Variants in SDK1 observed in about 807,000 individuals in gnomAD.
The protein encoded by SDK1 is protein sidekick-1.
A neutral mutation model predicts 245.5 loss-of-function variants in SDK1; 157 were observed. The ratio of observed to expected loss-of-function variants is 0.64; its 90% CI spans 0.56 to 0.73. The LOEUF (loss-of-function observed/expected upper bound fraction) is 0.73, where lower values mean the gene tolerates loss of function less well. Ranked by LOEUF, SDK1 falls within the 30% of genes least tolerant of loss-of-function variation. SDK1 has a pLI of 0.00. For missense variants in SDK1, 3,583 were observed against 3,002.3 expected (o/e 1.19, Z -4.52); for synonymous variants, 1,647 against 1,278.5 (o/e 1.29, Z -6.15).
chr7:4,077,340 G>T, intron 21 of SDK1, 151 bp downstream of exon 21: 1 of 713,670 alleles, frequency 1.4e-6, no homozygotes, highest in Admixed American at 2.5e-5. Context: ...GTAAATGGGT[G>T]TTGACCCCAC....
rs530946097 is a variant in SDK1 at position 3,691,844 on chromosome 7, G to A, written c.713+49739G>A. On this transcript the variant is annotated intron_variant, in intron 4 of 44. Coordinates refer to ENST00000404826, the MANE Select transcript of SDK1 (RefSeq NM_152744.4). The stretch of plus-strand genomic sequence containing the variant: ...CATTCAGACAGCGTGGGTTGAAAAT[G>A]TATTATAAGGCAGGTAATGTGAGGC... Among the ~76,000 whole-genome samples, 8 of 152,280 alleles carry A rather than the reference G, an allele frequency of 5.3e-5. No homozygotes were observed. The East Asian group carries it at 1.5e-3, about 29-fold the overall frequency.
At chr7:4,252,831 C>A (rs1339439322) in intron 44 of SDK1, among the ~76,000 whole-genome samples, 3 of 150,472 alleles carry the variant, frequency 2.0e-5, no homozygotes, top group Non-Finnish European at 3.0e-5. Flanking sequence ...GTTTCCCCCC[C>A]CCTCTTTTTT....
intron 20 of SDK1, among the ~76,000 whole-genome samples, chr7:4,076,757 G>C (rs192287063): frequency 4.6e-5 from 7 of 152,278 alleles, no homozygotes; most frequent in Non-Finnish European, 8.8e-5. Context: ...CTGGTAGGGA[G>C]GGATGGTCCC....
At chr7:4,111,838 T>A (rs547699092) in intron 23 of SDK1, among the ~76,000 whole-genome samples, 2 of 152,224 alleles carry the variant, frequency 1.3e-5, no homozygotes, top group Non-Finnish European at 2.9e-5. Context: ...TGAATTCAAA[T>A]AATTGTTTAT....
chr7:4,055,141 A>G (rs931341771), intron 19 of SDK1, among the ~76,000 whole-genome samples: 4 of 152,188 alleles, frequency 2.6e-5, no homozygotes, highest in Admixed American at 6.5e-5. Flanking sequence ...TCCCACTTCT[A>G]TGTTCTGGAA....
Position 4,116,886 on chromosome 7 carries a change from C to G in SDK1, c.3823+2612C>G, listed in dbSNP as rs892155099. On this transcript the variant is annotated intron_variant, in intron 25 of 44. Coordinates refer to ENST00000404826, the MANE Select transcript of SDK1 (RefSeq NM_152744.4). Reference sequence around the variant, plus strand: ...TTTCAGGATGGAACTGCCCAAGCAGCAGGGCTGGGCCCAGTGTCCCTCGGC... The same window carrying G: ...TTTCAGGATGGAACTGCCCAAGCAGGAGGGCTGGGCCCAGTGTCCCTCGGC... Among the ~76,000 whole-genome samples the G allele has an allele frequency of 2.0e-5, 3 of 152,338 alleles. No individual in the cohort carries two copies. The South Asian group carries it at 6.2e-4, about 32-fold the overall frequency.
intron 20 of SDK1, among the ~76,000 whole-genome samples, chr7:4,070,742 C>T (rs1780201891): frequency 6.6e-6 from 1 of 150,990 alleles, no homozygotes; most frequent in South Asian, 2.1e-4. Context: ...TGGAGTCTCA[C>T]TCTGCAGCCC....
intron 22 of SDK1, among the ~76,000 whole-genome samples, chr7:4,087,499 G>A (rs376857870): frequency 1.7e-5 from 2 of 120,866 alleles, no homozygotes; most frequent in South Asian, 3.0e-4. Flanking sequence ...ACACACACAC[G>A]CATTGCTTGA....
Position 4,268,506 on chromosome 7 carries a change from G to C in SDK1, c.*3122G>C, listed in dbSNP as rs1448530579. 1 of 1,197,046 alleles carries C rather than the reference G, an allele frequency of 8.4e-7. No homozygotes were observed. The highest frequency in any genetic ancestry group is 1.1e-6 in the Non-Finnish European group (1 of 940,648). 74.2% of individuals were successfully genotyped at this position (1,197,046 alleles called of 1,614,324 possible). A position where few individuals can be genotyped will look rare whatever the true frequency, so the allele number is the denominator to read the frequency against. On this transcript the variant is annotated 3_prime_UTR_variant, in exon 45 of 45. Coordinates refer to ENST00000404826, the MANE Select transcript of SDK1 (RefSeq NM_152744.4). ...CAAAAAACGAGGGGCCCCAGGGAGA[G>C]GGGACCCAGATGGCCACACACGGAA...
At position 3,951,868 on chromosome 7, in the gene SDK1, G is replaced by A. The variant is rs976044727; in HGVS notation, c.1098G>A (p.Leu366=). ...GGCCATACGTCTGCGAGGCGGCGCT[G>A]CCGGGGAGCGCTTTTGAACCGGCCA... The part of the protein sequence containing the change: ...DTGPYVCEAA[L]PGSAFEPARA... The change falls in exon 7 of 45, where the codon CTG becomes CTA. Residue 366 remains leucine (L), a synonymous_variant. Coordinates refer to ENST00000404826, the MANE Select transcript of SDK1 (RefSeq NM_152744.4). The A allele has an allele frequency of 2.5e-6, 4 of 1,613,676 alleles. No individual in the cohort carries two copies. In the South Asian group the frequency reaches 4.4e-5, roughly 18 times the overall value.
At chr7:4,098,333 C>G (rs1236197338) in intron 22 of SDK1, among the ~76,000 whole-genome samples, 1 of 152,164 alleles carries the variant, frequency 6.6e-6, no homozygotes, top group African/African-American at 2.4e-5. Flanking sequence ...AACCGTCAAA[C>G]CAAATTAAAT....
rs961353599 is a variant in SDK1 at position 3,665,883 on chromosome 7, A to G, written c.713+23778A>G. Among the ~76,000 whole-genome samples, 7 of 151,928 alleles carry G rather than the reference A, an allele frequency of 4.6e-5. No homozygotes were observed. In the East Asian group the frequency reaches 5.8e-4, roughly 13 times the overall value. On this transcript the variant is annotated intron_variant, in intron 4 of 44. Coordinates refer to ENST00000404826, the MANE Select transcript of SDK1 (RefSeq NM_152744.4). ...GATGTAGATTGACTTAGTGATGAAG[A>G]TGTTTCCTCAGTTGGTTCCATTTAT...
In SDK1 at chr7:3,712,486, A is replaced by G. The variant is rs1401082685; in HGVS notation, c.713+70381A>G. ...AATAATAATAGAATTAAAGTACACA[A>G]TAAATGTAATGCACTTGAATCATTC... On this transcript the variant is annotated intron_variant, in intron 4 of 44. Transcript: ENST00000404826. Among the ~76,000 whole-genome samples, 5 of 152,244 alleles carry G rather than the reference A, an allele frequency of 3.3e-5. No homozygotes were observed. The East Asian group carries it at 9.6e-4, about 29-fold the overall frequency.
chr7:3,501,885 A>G (rs111324261), intron 1 of SDK1, among the ~76,000 whole-genome samples: 388 of 152,294 alleles, frequency 2.5e-3, no homozygotes, highest in African/African-American at 8.9e-3. Flanking sequence ...TGATTTACAG[A>G]CATTTGGAAA....
At position 4,176,118 on chromosome 7, in the gene SDK1, C is replaced by CT. The variant is rs112511150; in HGVS notation, c.4996+297dup. 7.7e-3 allele frequency among the ~76,000 whole-genome samples: 1,153 copies of CT among 149,064 alleles called. 11 individuals carry two copies. Among genetic ancestry groups the CT allele is most frequent in the African/African-American group, 0.027 (1,094 of 40,364 alleles). ...TCTGATCTCTCCAACTTCCTTCTTC[C>CT]TTTTTTTTTTTTTAAAGAAACACTC... On this transcript the variant is annotated intron_variant, in intron 34 of 44. Coordinates refer to ENST00000404826, the MANE Select transcript of SDK1 (RefSeq NM_152744.4).
chr7:4,263,448 C>T (rs1387555194), intron 44 of SDK1, among the ~76,000 whole-genome samples: 3 of 149,560 alleles, frequency 2.0e-5, no homozygotes, highest in African/African-American at 7.4e-5. Context: ...GTGGGGAGGC[C>T]GCGTAGACCT....
intron 2 of SDK1, among the ~76,000 whole-genome samples, chr7:3,625,828 G>A (rs1431249735): frequency 6.6e-6 from 1 of 152,160 alleles, no homozygotes; most frequent in Non-Finnish European, 1.5e-5. Flanking sequence ...TTGAGGCAAA[G>A]TGATGCCAGC....
chr7:3,498,877 T>C lies in SDK1; in HGVS notation c.299-120203T>C, dbSNP rs191755082. ...GGGCTCATCTGAAAGGCATTTCTTA[T>C]CCTGCTACATGACACTTTAGGGGAC... On this transcript the variant is annotated intron_variant, in intron 1 of 44. Transcript: ENST00000404826. Among the ~76,000 whole-genome samples the C allele has an allele frequency of 2.4e-3, 371 of 152,302 alleles. 3 individuals are homozygous for C. Among genetic ancestry groups the C allele is most frequent in the South Asian group, 0.018 (86 of 4,826 alleles).
At chr7:3,758,490 A>C (rs1780001610) in intron 4 of SDK1, among the ~76,000 whole-genome samples, 1 of 152,358 alleles carries the variant, frequency 6.6e-6, no homozygotes, top group East Asian at 1.9e-4. Context: ...TTTTGTCATT[A>C]ACACTAATGC....
Sources: allele counts gnomAD v4.1 joint callset (sites outside exome capture counted in the v4.1 genomes callset), GRCh38; gene constraint gnomAD v4.1.1; transcripts MANE v1.5; gene names NCBI Gene and HGNC (gene_info 2026-07-23, HGNC 2026-07-21).